The following MGMT variants were observed in gnomAD, a reference collection of about 807,000 sequenced individuals.
The protein encoded by MGMT is methylated-DNA--protein-cysteine methyltransferase.
In MGMT, 14 loss-of-function variants were observed where a neutral mutation model predicts 15.9. The observed-to-expected ratio is 0.88, with a 90% CI of 0.58 to 1.37. The LOEUF is 1.37. MGMT is among the 40% of genes most tolerant of loss of function. The pLI is 0.00. For synonymous variants in MGMT, 130 were observed against 118.2 expected (o/e 1.10, Z -0.65); for missense variants, 282 against 268.1 (o/e 1.05, Z -0.36).
chr10:129,562,260 G>T (rs1387198335), intron 2 of MGMT, among the ~76,000 whole-genome samples: 2 of 152,184 alleles, frequency 1.3e-5, no homozygotes, highest in African/African-American at 4.8e-5. Context: ...ATAGAGCGTT[G>T]AAAACTCCAT....
intron 1 of MGMT, among the ~76,000 whole-genome samples, chr10:129,535,862 A>G (rs1011396613): frequency 1.3e-5 from 2 of 152,136 alleles, no homozygotes; most frequent in Non-Finnish European, 2.9e-5. Context: ...TTCGGGATTT[A>G]TTGTCTGTGG....
At chr10:129,584,405 G>A (rs1273530193) in intron 2 of MGMT, among the ~76,000 whole-genome samples, 1 of 151,316 alleles carries the variant, frequency 6.6e-6, no homozygotes, top group Non-Finnish European at 1.5e-5. Flanking sequence ...AAGCATGTAT[G>A]GCTGCTGTTT....
At chr10:129,478,280 C>A (rs1213181669) in intron 1 of MGMT, among the ~76,000 whole-genome samples, 1 of 152,158 alleles carries the variant, frequency 6.6e-6, no homozygotes, top group Non-Finnish European at 1.5e-5. Flanking sequence ...ACTAATCCAG[C>A]CTGGTTCAAA....
intron 2 of MGMT, among the ~76,000 whole-genome samples, chr10:129,629,041 C>G (rs950158530): frequency 2.0e-5 from 3 of 152,228 alleles, no homozygotes; most frequent in African/African-American, 7.2e-5. Flanking sequence ...ACACAGCACA[C>G]GTCAGCCTTG....
intron 2 of MGMT, among the ~76,000 whole-genome samples, chr10:129,574,938 T>G (rs1846462606): frequency 6.6e-6 from 1 of 152,152 alleles, no homozygotes; most frequent in African/African-American, 2.4e-5. Flanking sequence ...TGTGGGCCCC[T>G]CTGATACCAG....
intron 2 of MGMT, among the ~76,000 whole-genome samples, chr10:129,652,294 C>T (rs1427232175): frequency 6.6e-6 from 1 of 152,226 alleles, no homozygotes; most frequent in Non-Finnish European, 1.5e-5. Flanking sequence ...GCCCCAGCAG[C>T]CCCCGAGCGG....
intron 2 of MGMT, among the ~76,000 whole-genome samples, chr10:129,689,290 C>T (rs964249982): frequency 1.3e-5 from 2 of 152,160 alleles, no homozygotes; most frequent in Non-Finnish European, 2.9e-5. Flanking sequence ...TTCACTTTGT[C>T]CCATAAAAAT....
At chr10:129,685,719 G>A (rs1487763569) in intron 2 of MGMT, among the ~76,000 whole-genome samples, 2 of 152,334 alleles carry the variant, frequency 1.3e-5, no homozygotes, top group Middle Eastern at 3.4e-3. Flanking sequence ...AGAAAGTCAT[G>A]TAAATAAGAC....
intron 2 of MGMT, among the ~76,000 whole-genome samples, chr10:129,614,232 G>A (rs1196058291): frequency 8.5e-5 from 13 of 152,290 alleles, no homozygotes; most frequent in South Asian, 2.1e-4. Context: ...AGGTCCATCC[G>A]TGTTGTAGCA....
intron 2 of MGMT, among the ~76,000 whole-genome samples, chr10:129,652,579 G>A (rs557951327): frequency 4.6e-5 from 7 of 152,348 alleles, no homozygotes; most frequent in South Asian, 2.1e-4. Flanking sequence ...AGAAAGCATC[G>A]GCACTCAGAG....
At chr10:129,636,104 G>T (rs1847261785) in intron 2 of MGMT, among the ~76,000 whole-genome samples, 1 of 152,174 alleles carries the variant, frequency 6.6e-6, no homozygotes, top group African/African-American at 2.4e-5. Context: ...TTTATAAGGT[G>T]CTTACTCAGA....
chr10:129,530,926 C>A (rs1845924283), intron 1 of MGMT, among the ~76,000 whole-genome samples: 1 of 152,204 alleles, frequency 6.6e-6, no homozygotes, highest in Non-Finnish European at 1.5e-5. Context: ...TGCCCACACT[C>A]TCCCCCCGAA....
intron 1 of MGMT, among the ~76,000 whole-genome samples, chr10:129,499,717 A>G (rs1845556403): frequency 6.6e-6 from 1 of 152,220 alleles, no homozygotes; most frequent in South Asian, 2.1e-4. Context: ...TACAGTATTC[A>G]TGCTATAGAA....
Position 129,769,867 on chromosome 10 carries a change from G to A in MGMT, c.*2870G>A, listed in dbSNP as rs1358532297. ...GGCTGATGCGGAATCAGGAAGCTTG[G>A]AGGAGCTCTTGCATGAGGAATTGCA... is the stretch of plus-strand genomic sequence containing the variant. On this transcript the variant is annotated 3_prime_UTR_variant, in exon 5 of 5. Coordinates refer to ENST00000651593, the MANE Select transcript of MGMT (RefSeq NM_002412.5). Among the ~76,000 whole-genome samples the A allele has an allele frequency of 1.3e-5, 2 of 152,184 alleles. No homozygotes were observed. Among genetic ancestry groups the A allele is most frequent in the Non-Finnish European group, 2.9e-5 (2 of 68,044 alleles).
chr10:129,552,312 G>C (rs1484214270), intron 2 of MGMT, among the ~76,000 whole-genome samples: 1 of 152,178 alleles, frequency 6.6e-6, no homozygotes, highest in South Asian at 2.1e-4. Flanking sequence ...GCCCTCTGTG[G>C]CTTGAGCTGC....
At chr10:129,507,322 A>G (rs964597849) in intron 1 of MGMT, among the ~76,000 whole-genome samples, 1 of 152,196 alleles carries the variant, frequency 6.6e-6, no homozygotes, top group East Asian at 1.9e-4. Context: ...GATGGAGGAC[A>G]AGGCCTCTGG....
intron 3 of MGMT, among the ~76,000 whole-genome samples, chr10:129,757,678 T>C (rs1402587531): frequency 6.6e-6 from 1 of 152,182 alleles, no homozygotes; most frequent in African/African-American, 2.4e-5. Context: ...ACCATGATAA[T>C]GATTAACAGT....
intron 2 of MGMT, among the ~76,000 whole-genome samples, chr10:129,597,740 TAAAG>T (rs1376629475): frequency 1.3e-5 from 2 of 152,146 alleles, no homozygotes; most frequent in Non-Finnish European, 2.9e-5. Flanking sequence ...TTGTAGGAAA[TAAAG>T]AGACTATTGA....
intron 2 of MGMT, among the ~76,000 whole-genome samples, chr10:129,695,907 C>T (rs1313892243): frequency 1.3e-5 from 2 of 152,096 alleles, no homozygotes; most frequent in Non-Finnish European, 1.5e-5. Flanking sequence ...GGGGGAGGGG[C>T]GGGCTGTTCC....
Sources: allele counts gnomAD v4.1 joint callset (sites outside exome capture counted in the v4.1 genomes callset), GRCh38; gene constraint gnomAD v4.1.1; transcripts MANE v1.5; gene names NCBI Gene and HGNC (gene_info 2026-07-23, HGNC 2026-07-21).